The following RETREG1 variants were observed in gnomAD, a reference collection of about 807,000 sequenced individuals.
RETREG1 encodes the protein family with sequence similarity 134 member B.
A neutral mutation model predicts 54.8 loss-of-function variants in RETREG1; 44 were observed. That is an observed-to-expected ratio of 0.80 (90% CI 0.63 to 1.03). The LOEUF (loss-of-function observed/expected upper bound fraction) is 1.03, where lower values mean the gene tolerates loss of function less well. Ranked by LOEUF, RETREG1 falls within the 50% of genes least tolerant of loss-of-function variation. The pLI, the probability that RETREG1 is intolerant of heterozygous loss-of-function variation, is 0.00. For synonymous variants in RETREG1, 217 were observed against 238.5 expected (o/e 0.91, Z 0.83); for missense variants, 554 against 605.1 (o/e 0.92, Z 0.89).
At chr5:16,545,213 A>T (rs1193922837) in intron 3 of RETREG1, among the ~76,000 whole-genome samples, 1 of 152,070 alleles carries the variant, frequency 6.6e-6, no homozygotes, top group Non-Finnish European at 1.5e-5. Flanking sequence ...TTGCTTCCTC[A>T]TTCTTGCAAT....
intron 1 of RETREG1, among the ~76,000 whole-genome samples, chr5:16,588,521 C>T (rs760233051): frequency 7.9e-5 from 12 of 152,202 alleles, no homozygotes; most frequent in Non-Finnish European, 1.2e-4. Flanking sequence ...ACTCACCTGC[C>T]GGCCCCAAGG....
chr5:16,544,130 C>A (rs1301480255), intron 3 of RETREG1, among the ~76,000 whole-genome samples: 1 of 151,826 alleles, frequency 6.6e-6, no homozygotes, highest in African/African-American at 2.4e-5. Flanking sequence ...CGCCCACCAC[C>A]ACACCAAGCT....
chr5:16,500,969 C>T (rs1211019064), intron 3 of RETREG1, among the ~76,000 whole-genome samples: 2 of 152,178 alleles, frequency 1.3e-5, no homozygotes, highest in Non-Finnish European at 2.9e-5. Flanking sequence ...GTAGACCACA[C>T]GTTAAGGACC....
intron 1 of RETREG1, among the ~76,000 whole-genome samples, chr5:16,578,736 G>A (rs1579703141): frequency 6.6e-6 from 1 of 152,314 alleles, no homozygotes. Flanking sequence ...TATTACTGGG[G>A]GAGGCAGGGA....
chr5:16,500,483 G>A (rs1739662218), intron 3 of RETREG1, among the ~76,000 whole-genome samples: 1 of 152,090 alleles, frequency 6.6e-6, no homozygotes, highest in Non-Finnish European at 1.5e-5. Context: ...CCATACAGGA[G>A]TGCATTCCAG....
intron 1 of RETREG1, among the ~76,000 whole-genome samples, chr5:16,590,876 TAC>T (rs35072010): frequency 0.48 from 72,075 of 148,638 alleles, 18,630 homozygotes; most frequent in Non-Finnish European, 0.6. Context: ...CATGCAAACA[TAC>T]ACACACACGC....
chr5:16,543,738 T>A (rs1204383528), intron 3 of RETREG1, among the ~76,000 whole-genome samples: 1 of 151,848 alleles, frequency 6.6e-6, no homozygotes, highest in Non-Finnish European at 1.5e-5. Flanking sequence ...ATATTCATTC[T>A]CACCAGCAAT....
At chr5:16,554,060 C>T (rs1028778295) in intron 3 of RETREG1, among the ~76,000 whole-genome samples, 11 of 152,200 alleles carry the variant, frequency 7.2e-5, no homozygotes, top group Non-Finnish European at 1.5e-4. Context: ...AATATGCATT[C>T]AACCCTGTCA....
intron 3 of RETREG1, among the ~76,000 whole-genome samples, chr5:16,539,137 TC>T (rs1741165939): frequency 1.3e-5 from 2 of 152,136 alleles, no homozygotes; most frequent in African/African-American, 4.8e-5. Flanking sequence ...TGAGACCATT[TC>T]CCTGTGAAGG....
At chr5:16,532,944 G>C (rs1411523721) in intron 3 of RETREG1, among the ~76,000 whole-genome samples, 2 of 152,208 alleles carry the variant, frequency 1.3e-5, no homozygotes, top group Non-Finnish European at 2.9e-5. Context: ...ACTTCAGAAA[G>C]ATCTGAAGAA....
chr5:16,573,245 C>T (rs1222745335), intron 1 of RETREG1, among the ~76,000 whole-genome samples: 1 of 144,114 alleles, frequency 6.9e-6, no homozygotes, highest in Non-Finnish European at 1.5e-5. Context: ...AACTCTTTCG[C>T]TTTAAGATCA....
At chr5:16,600,905 A>C (rs1381714554) in intron 1 of RETREG1, among the ~76,000 whole-genome samples, 1 of 152,234 alleles carries the variant, frequency 6.6e-6, no homozygotes, top group African/African-American at 2.4e-5. Context: ...AAAATGAGGA[A>C]AATGTCTTGG....
At chr5:16,498,222 C>CT (rs1491348964) in intron 3 of RETREG1, among the ~76,000 whole-genome samples, 2 of 144,176 alleles carry the variant, frequency 1.4e-5, no homozygotes, top group Admixed American at 1.4e-4. Flanking sequence ...GTGTGAACAC[C>CT]ACAGAGTGTA....
At chr5:16,586,384 C>T (rs955564672) in intron 1 of RETREG1, among the ~76,000 whole-genome samples, 5 of 152,158 alleles carry the variant, frequency 3.3e-5, no homozygotes, top group East Asian at 1.9e-4. Context: ...TCCTCTGCCT[C>T]GGTATTTTCA....
At chr5:16,490,663 CCA>C (rs1287649747) in intron 3 of RETREG1, among the ~76,000 whole-genome samples, 3 of 152,138 alleles carry the variant, frequency 2.0e-5, no homozygotes, top group Non-Finnish European at 4.4e-5. Context: ...AAGTTGAGGC[CCA>C]GATACATTAG....
chr5:16,577,710 T>G (rs1742366707), intron 1 of RETREG1, among the ~76,000 whole-genome samples: 1 of 152,134 alleles, frequency 6.6e-6, no homozygotes, highest in Admixed American at 6.5e-5. Flanking sequence ...TTCTCATGTG[T>G]TGTGGGAGGG....
intron 3 of RETREG1, among the ~76,000 whole-genome samples, chr5:16,491,198 G>C (rs1235951595): frequency 2.0e-5 from 3 of 152,206 alleles, no homozygotes; most frequent in Non-Finnish European, 4.4e-5. Flanking sequence ...CTGCAAGGCA[G>C]GGTTATCTCC....
intron 5 of RETREG1, among the ~76,000 whole-genome samples, chr5:16,479,956 A>T (rs2126514905): frequency 6.6e-6 from 1 of 152,156 alleles, no homozygotes; most frequent in East Asian, 1.9e-4. Flanking sequence ...CATACTTTTT[A>T]ATAACATTTT....
At chr5:16,486,724 C>A (rs1171830861) in intron 3 of RETREG1, among the ~76,000 whole-genome samples, 8 of 152,164 alleles carry the variant, frequency 5.3e-5, no homozygotes, top group Admixed American at 2.0e-4. Context: ...TGAGAAGGAG[C>A]ATTTCATGTT....
Sources: gnomAD v4.1 joint callset for allele counts (sites outside exome capture counted in the v4.1 genomes callset) on GRCh38, gnomAD v4.1.1 for gene constraint, MANE v1.5 for transcripts, NCBI Gene and HGNC (gene_info 2026-07-23, HGNC 2026-07-21) for gene names.